Variants in AFF2 observed in about 807,000 individuals in gnomAD.
AFF2 encodes the protein ALF transcription elongation factor 2, also known as AF4/FMR2 family member 2.
In AFF2, 14 loss-of-function variants were observed where a neutral mutation model predicts 76.9. The ratio of observed to expected loss-of-function variants is 0.18; its 90% CI spans 0.12 to 0.28. AFF2 has a LOEUF of 0.28. AFF2 is among the 10% of genes least tolerant of loss of function. The probability of loss-of-function intolerance (pLI) is 1.00; values close to 1 mark genes in which losing one functional copy is unlikely to be tolerated. For synonymous variants in AFF2, 398 were observed against 366.7 expected (o/e 1.09, Z -0.98); for missense variants, 868 against 1,001.1 (o/e 0.87, Z 1.79).
At chrX:148,795,872 T>TACAC (rs1355229584) in intron 3 of AFF2, among the ~76,000 whole-genome samples, 31 of 33,689 alleles carry the variant, frequency 9.2e-4, no homozygotes, top group South Asian at 4.0e-3. Flanking sequence ...TATATATATA[T>TACAC]ACACACCTAA....
At position 148,997,499 on chromosome X, in the gene AFF2, C is replaced by G. The variant is rs72611275; in HGVS notation, c.*6167C>G. ...TTTTTCAAAAAAAAATTTCCATTTT[C>G]TCTCTGGGCCTGTATCCATGGTTGA... is the stretch of plus-strand genomic sequence containing the variant. On this transcript the variant is annotated 3_prime_UTR_variant, in exon 21 of 21. Transcript: ENST00000370460. The G allele has an allele frequency of 5.3e-5, 6 of 112,277 alleles. No homozygotes were observed. In the East Asian group the frequency reaches 1.4e-3, roughly 26 times the overall value. 9.3% of individuals were successfully genotyped at this position (112,277 alleles called of 1,213,427 possible).
intron 1 of AFF2, among the ~76,000 whole-genome samples, chrX:148,574,117 G>C (rs1433948790): frequency 3.6e-5 from 4 of 111,252 alleles, no homozygotes; most frequent in African/African-American, 1.3e-4. Flanking sequence ...TCCAAAGAAA[G>C]AATAAATATT....
intron 1 of AFF2, among the ~76,000 whole-genome samples, chrX:148,616,344 G>A (rs2053801036): frequency 9.0e-6 from 1 of 111,258 alleles, no homozygotes; most frequent in South Asian, 3.7e-4. Flanking sequence ...GAAGAGTTGG[G>A]ATCTTATAAT....
chrX:148,888,949 A>G (rs1557279410), intron 8 of AFF2, among the ~76,000 whole-genome samples: 1 of 111,935 alleles, frequency 8.9e-6, no homozygotes, highest in Non-Finnish European at 1.9e-5. Context: ...GAAATGGCTC[A>G]GAACCCAGTG....
intron 1 of AFF2, among the ~76,000 whole-genome samples, chrX:148,637,014 T>A (rs1298175911): frequency 2.7e-5 from 3 of 111,878 alleles, no homozygotes; most frequent in Admixed American, 1.9e-4. Context: ...ACGCACTGGT[T>A]CCCACATACC....
chrX:148,832,952 T>C (rs1047737430), intron 4 of AFF2, among the ~76,000 whole-genome samples: 4 of 112,117 alleles, frequency 3.6e-5, no homozygotes, highest in Non-Finnish European at 7.5e-5. Context: ...TTGCATTCAT[T>C]AAGGTGGTCA....
Position 148,731,161 on chromosome X carries a change from G to A in AFF2, c.1041+68393G>A, listed in dbSNP as rs1391749985. 5.4e-5 allele frequency among the ~76,000 whole-genome samples: 6 copies of A among 111,927 alleles called. No homozygotes were observed. In the South Asian group the frequency reaches 1.1e-3, roughly 21 times the overall value. ...GTGTCTTAGACCAATTTATAGAGAC[G>A]AGTTCTGCTGCACGTGTCCACACCT... On this transcript the variant is annotated intron_variant, in intron 3 of 20. Transcript: ENST00000370460.
At chrX:148,900,459 G>A (rs1484850584) in intron 8 of AFF2, among the ~76,000 whole-genome samples, 3 of 111,729 alleles carry the variant, frequency 2.7e-5, no homozygotes, top group African/African-American at 9.8e-5. Flanking sequence ...GGAAATAAAT[G>A]TGCTGATAAT....
At chrX:148,789,951 G>C (rs924236413) in intron 3 of AFF2, among the ~76,000 whole-genome samples, 3 of 111,302 alleles carry the variant, frequency 2.7e-5, no homozygotes, top group Non-Finnish European at 5.7e-5. Flanking sequence ...GACCTCAGCT[G>C]CTGGGCTCTT....
chrX:148,543,563 T>A (rs1007496958), intron 1 of AFF2, among the ~76,000 whole-genome samples: 1 of 111,646 alleles, frequency 9.0e-6, no homozygotes, highest in African/African-American at 3.3e-5. Flanking sequence ...GAACCCTAGT[T>A]TGTGTGATTT....
intron 7 of AFF2, among the ~76,000 whole-genome samples, chrX:148,882,994 G>A (rs1446043887): frequency 9.0e-6 from 1 of 111,466 alleles, no homozygotes; most frequent in Non-Finnish European, 1.9e-5. Context: ...GTGGGGATGT[G>A]GGGAGGTTGT....
Position 148,993,960 on chromosome X carries a change from G to A in AFF2, c.*2628G>A, listed in dbSNP as rs1379643990. The A allele has an allele frequency of 8.9e-6, 1 of 112,285 alleles. No homozygotes were observed. The highest frequency in any genetic ancestry group is 3.3e-5 in the African/African-American group (1 of 30,746). The allele number at this position is 112,285 out of a possible 1,213,427, so 9.3% of individuals were successfully genotyped here. On this transcript the variant is annotated 3_prime_UTR_variant, in exon 21 of 21. Coordinates refer to ENST00000370460, the MANE Select transcript of AFF2 (RefSeq NM_002025.4). ...TGGTGATGCGTGTCGTAGGTGTGCAGCTATTTGAGGGACTAAGGGATGGAG... is the reference window on the plus strand; with the variant it reads ...TGGTGATGCGTGTCGTAGGTGTGCAACTATTTGAGGGACTAAGGGATGGAG...
At chrX:148,650,385 G>C (rs1569552583) in intron 1 of AFF2, among the ~76,000 whole-genome samples, 1 of 111,501 alleles carries the variant, frequency 9.0e-6, no homozygotes, top group Non-Finnish European at 1.9e-5. Context: ...CCAGTATCTG[G>C]ACTTGATATC....
At chrX:148,754,925 G>T (rs2055543596) in intron 3 of AFF2, among the ~76,000 whole-genome samples, 1 of 111,556 alleles carries the variant, frequency 9.0e-6, no homozygotes, top group Non-Finnish European at 1.9e-5. Flanking sequence ...TAAATAACAG[G>T]ACTCTTTCTT....
chrX:148,599,456 G>A (rs1557247773), intron 1 of AFF2, among the ~76,000 whole-genome samples: 1 of 110,917 alleles, frequency 9.0e-6, no homozygotes, highest in African/African-American at 3.3e-5. Context: ...ACTTGATGTG[G>A]CTCTGCTTGG....
rs1205373386 is a variant in AFF2, at chrX:148,500,697, T to TGCCGC, written c.-390_-386dup. The stretch of plus-strand genomic sequence containing the variant: ...CCGCCGCCGCCGCTGCCGCCCCGGC[T>TGCCGC]GCCGCGCCGCGCCGCTGCCTCTGCC... On this transcript the variant is annotated 5_prime_UTR_variant, in exon 1 of 21. Coordinates refer to ENST00000370460, the MANE Select transcript of AFF2 (RefSeq NM_002025.4). 8.6e-5 allele frequency: 5 copies of TGCCGC among 57,863 alleles called. No homozygotes were observed. The highest frequency in any genetic ancestry group is 1.8e-4 in the African/African-American group (3 of 16,435). The allele number at this position is 57,863 out of a possible 1,213,427, so 4.8% of individuals were successfully genotyped here.
chrX:148,570,133 C>G (rs2053213165), intron 1 of AFF2, among the ~76,000 whole-genome samples: 2 of 112,018 alleles, frequency 1.8e-5, no homozygotes, highest in Non-Finnish European at 3.8e-5. Flanking sequence ...CTGTAATCTC[C>G]AAACAGTCAT....
At chrX:148,960,888 C>T (rs2072101206) in intron 12 of AFF2, among the ~76,000 whole-genome samples, 1 of 111,650 alleles carries the variant, frequency 9.0e-6, no homozygotes, top group African/African-American at 3.3e-5. Context: ...TACCCAAAGA[C>T]GCAAAAGCTG....
rs112648378 is a variant in AFF2 at position 148,581,604 on chromosome X, G to A, written c.48-70395G>A. Among the ~76,000 whole-genome samples the A allele has an allele frequency of 9.9e-4, 97 of 97,779 alleles. 9 individuals are homozygous for A. Among genetic ancestry groups the A allele is most frequent in the Middle Eastern group, 5.3e-3 (1 of 190 alleles). The allele number at this position is 97,779 out of a possible 115,157, so 84.9% of individuals were successfully genotyped here. ...CGTGTACACACATATATACGTATAC[G>A]TGTACACACATATATACGTATACGT... is the stretch of plus-strand genomic sequence containing the variant. On this transcript the variant is annotated intron_variant, in intron 1 of 20. Transcript: ENST00000370460.
Sources: gnomAD v4.1 joint callset for allele counts (sites outside exome capture counted in the v4.1 genomes callset) on GRCh38, gnomAD v4.1.1 for gene constraint, MANE v1.5 for transcripts, NCBI Gene and HGNC (gene_info 2026-07-23, HGNC 2026-07-21) for gene names.